The following RIT2 variants were observed in gnomAD, a reference collection of about 807,000 sequenced individuals.
The protein encoded by RIT2 is GTP-binding protein Rit2.
In RIT2, 24 loss-of-function variants were observed where a neutral mutation model predicts 23.7. The ratio of observed to expected loss-of-function variants is 1.01; its 90% CI spans 0.73 to 1.43. The LOEUF is 1.43. RIT2 is among the 40% of genes most tolerant of loss of function. RIT2 has a pLI of 0.00. For missense variants in RIT2, 236 were observed against 266.9 expected (o/e 0.88, Z 0.81); for synonymous variants, 107 against 91.1 (o/e 1.17, Z -0.99).
intron 4 of RIT2, among the ~76,000 whole-genome samples, chr18:42,804,819 A>G (rs1905637035): frequency 6.6e-6 from 1 of 152,116 alleles, no homozygotes; most frequent in African/African-American, 2.4e-5. Context: ...TTGCAGGCAT[A>G]AATTTTAAAA....
At chr18:43,040,957 T>C (rs1287583372) in intron 1 of RIT2, among the ~76,000 whole-genome samples, 1 of 152,146 alleles carries the variant, frequency 6.6e-6, no homozygotes, top group African/African-American at 2.4e-5. Context: ...ACAGAAATTA[T>C]TATTAAAAAC....
At chr18:42,881,650 T>G (rs1239008298) in intron 4 of RIT2, among the ~76,000 whole-genome samples, 1 of 152,226 alleles carries the variant, frequency 6.6e-6, no homozygotes, top group Non-Finnish European at 1.5e-5. Context: ...CTTTATATCT[T>G]TATCTGTCAG....
intron 1 of RIT2, among the ~76,000 whole-genome samples, chr18:43,049,972 C>CTTTTTT (rs755291383): frequency 4.5e-5 from 3 of 66,010 alleles, no homozygotes; most frequent in African/African-American, 6.5e-5. Context: ...AAGGGATTTC[C>CTTTTTT]TTTTTTTTTT....
chr18:43,043,955 A>AGC (rs1210669289), intron 1 of RIT2, among the ~76,000 whole-genome samples: 3 of 152,188 alleles, frequency 2.0e-5, no homozygotes, highest in African/African-American at 7.2e-5. Flanking sequence ...AAGAATCCAT[A>AGC]GCACAGGATC....
intron 4 of RIT2, among the ~76,000 whole-genome samples, chr18:42,890,346 A>T (rs2144092433): frequency 6.6e-6 from 1 of 152,250 alleles, no homozygotes; most frequent in African/African-American, 2.4e-5. Context: ...GATATACCCA[A>T]CAATGAGAAT....
intron 2 of RIT2, among the ~76,000 whole-genome samples, chr18:43,024,803 G>A (rs1457738633): frequency 6.7e-6 from 1 of 150,212 alleles, no homozygotes; most frequent in Non-Finnish European, 1.5e-5. Context: ...TTCAAAAGAA[G>A]ACACACAAAC....
At chr18:42,900,183 G>A (rs11663182) in intron 4 of RIT2, among the ~76,000 whole-genome samples, 8 of 152,036 alleles carry the variant, frequency 5.3e-5, no homozygotes, top group East Asian at 1.9e-4. Context: ...TTCATTCTAC[G>A]AAATTTAATG....
chr18:43,059,471 A>C (rs1381457956), intron 1 of RIT2, among the ~76,000 whole-genome samples: 1 of 152,126 alleles, frequency 6.6e-6, no homozygotes, highest in Non-Finnish European at 1.5e-5. Context: ...CATAGACAAG[A>C]TATACATGAG....
At chr18:42,917,958 C>T (rs1177672197) in intron 4 of RIT2, among the ~76,000 whole-genome samples, 1 of 152,108 alleles carries the variant, frequency 6.6e-6, no homozygotes, top group African/African-American at 2.4e-5. Context: ...CATTTTTCTC[C>T]TTTGCCCTTT....
At chr18:43,016,618 C>A (rs1174682701) in intron 2 of RIT2, among the ~76,000 whole-genome samples, 3 of 151,762 alleles carry the variant, frequency 2.0e-5, no homozygotes, top group African/African-American at 7.2e-5. Context: ...TGACTGCGTC[C>A]AGGAAATATT....
chr18:43,109,161 A>G (rs1166825770), intron 1 of RIT2, among the ~76,000 whole-genome samples: 1 of 152,202 alleles, frequency 6.6e-6, no homozygotes, highest in Non-Finnish European at 1.5e-5. Flanking sequence ...TTCTCTTTAT[A>G]AAATCCTGCT....
intron 1 of RIT2, among the ~76,000 whole-genome samples, chr18:43,104,047 C>T (rs1158878280): frequency 6.6e-6 from 1 of 152,040 alleles, no homozygotes; most frequent in Non-Finnish European, 1.5e-5. Context: ...CGCCCATCAA[C>T]AGATAAATGG....
chr18:42,942,568 G>T lies in RIT2; in HGVS notation c.235-18805C>A, dbSNP rs141022114. 4.6e-3 allele frequency among the ~76,000 whole-genome samples: 700 copies of T among 152,198 alleles called. 3 individuals carry two copies. The highest frequency in any genetic ancestry group is 0.016 in the African/African-American group (674 of 41,544). On this transcript the variant is annotated intron_variant, in intron 3 of 4. Transcript: ENST00000326695. The stretch of plus-strand genomic sequence containing the variant: ...AAAATATCTGGCCACCGTCTGCGTG[G>T]AGTTTGCACATTCTCCCCATGTCCA...
intron 4 of RIT2, among the ~76,000 whole-genome samples, chr18:42,901,804 T>C (rs1908483126): frequency 6.6e-6 from 1 of 152,002 alleles, no homozygotes; most frequent in Non-Finnish European, 1.5e-5. Context: ...ATTGTAACTA[T>C]TTTTTTAAGC....
chr18:42,889,881 A>G (rs1437074083), intron 4 of RIT2, among the ~76,000 whole-genome samples: 1 of 151,980 alleles, frequency 6.6e-6, no homozygotes, highest in African/African-American at 2.4e-5. Flanking sequence ...TCAAGTAGGG[A>G]TAAGAATCAC....
At chr18:43,080,082 T>C (rs1431106730) in intron 1 of RIT2, among the ~76,000 whole-genome samples, 1 of 152,172 alleles carries the variant, frequency 6.6e-6, no homozygotes, top group Non-Finnish European at 1.5e-5. Context: ...CCACACTCAG[T>C]TCTTATGTTT....
chr18:43,000,642 G>A (rs1245395471), intron 2 of RIT2, among the ~76,000 whole-genome samples: 1 of 151,942 alleles, frequency 6.6e-6, no homozygotes, highest in African/African-American at 2.4e-5. Context: ...TCATGAAGGT[G>A]GTTCCCCTAT....
At chr18:43,029,045 T>C (rs557571967) in intron 2 of RIT2, among the ~76,000 whole-genome samples, 26 of 152,186 alleles carry the variant, frequency 1.7e-4, no homozygotes, top group African/African-American at 4.3e-4. Flanking sequence ...AGATGACCTG[T>C]CTATATTGTT....
At chr18:42,948,235 A>G (rs534234205) in intron 3 of RIT2, among the ~76,000 whole-genome samples, 72 of 152,200 alleles carry the variant, frequency 4.7e-4, no homozygotes, top group Middle Eastern at 6.8e-3. Flanking sequence ...TAATTTTCTT[A>G]AATAATATAA....
Sources: gnomAD v4.1 joint callset for allele counts (sites outside exome capture counted in the v4.1 genomes callset) on GRCh38, gnomAD v4.1.1 for gene constraint, MANE v1.5 for transcripts, NCBI Gene and HGNC (gene_info 2026-07-23, HGNC 2026-07-21) for gene names.